CSMD2: variants seen among roughly 807,000 people sequenced by gnomAD.
CSMD2 encodes the protein CUB and sushi domain-containing protein 2.
Under a neutral mutation model 398.5 loss-of-function variants are expected in CSMD2, and 130 were observed. The ratio of observed to expected loss-of-function variants is 0.33; its 90% CI spans 0.28 to 0.38. CSMD2 has a LOEUF of 0.38. Ranked by LOEUF, CSMD2 falls within the 10% of genes least tolerant of loss-of-function variation. The pLI is 1.00. For missense variants in CSMD2, 3,829 were observed against 4,764.9 expected, an observed-to-expected ratio of 0.80 and a Z score of 5.78; for synonymous variants, 1,828 against 1,908.5, an observed-to-expected ratio of 0.96 and a Z score of 1.10.
chr1:34,081,653 C>T (rs1443702036), intron 2 of CSMD2, among the ~76,000 whole-genome samples: 1 of 152,166 alleles, frequency 6.6e-6, no homozygotes. Context: ...CTCCTGACCT[C>T]GAGTGATCTG....
At chr1:33,728,637 T>G (rs1646621683) in intron 15 of CSMD2, among the ~76,000 whole-genome samples, 1 of 152,214 alleles carries the variant, frequency 6.6e-6, no homozygotes, top group Non-Finnish European at 1.5e-5. Flanking sequence ...TCAAGACTTC[T>G]GTCTCTAAAT....
intron 58 of CSMD2, 97 bp from the exon 59 acceptor site, chr1:33,541,406 G>A: frequency 1.1e-6 from 1 of 883,052 alleles, no homozygotes; most frequent in Non-Finnish European, 1.8e-6. Context: ...TCCAAGAAGG[G>A]AAACTGTCAG....
intron 49 of CSMD2, among the ~76,000 whole-genome samples, chr1:33,576,451 C>T (rs1660082586): frequency 6.6e-6 from 1 of 152,096 alleles, no homozygotes; most frequent in South Asian, 2.1e-4. Context: ...ATTAGCCAGG[C>T]ATGGTGGCGG....
At chr1:34,064,380 A>G (rs961464838) in intron 2 of CSMD2, among the ~76,000 whole-genome samples, 1 of 152,096 alleles carries the variant, frequency 6.6e-6, no homozygotes, top group African/African-American at 2.4e-5. Flanking sequence ...CTGCTTGGAA[A>G]TTTCTTCTGC....
intron 3 of CSMD2, among the ~76,000 whole-genome samples, chr1:33,937,852 T>C (rs1378378798): frequency 6.6e-6 from 1 of 152,210 alleles, no homozygotes; most frequent in African/African-American, 2.4e-5. Context: ...GCCCAGAACA[T>C]AGTAGGTGCT....
chr1:33,523,930 A>G (rs1654541839), intron 66 of CSMD2, among the ~76,000 whole-genome samples: 1 of 152,218 alleles, frequency 6.6e-6, no homozygotes, highest in African/African-American at 2.4e-5. Flanking sequence ...TTATCTATCC[A>G]TCTATTCAAC....
At chr1:34,100,332 TTC>T (rs1209476731) in intron 1 of CSMD2, among the ~76,000 whole-genome samples, 6 of 152,188 alleles carry the variant, frequency 3.9e-5, no homozygotes, top group African/African-American at 1.4e-4. Flanking sequence ...CCTCACCTTC[TTC>T]TCTCTCATGC....
chr1:33,942,682 G>A (rs930203643), intron 3 of CSMD2, among the ~76,000 whole-genome samples: 16 of 152,204 alleles, frequency 1.1e-4, no homozygotes, highest in Non-Finnish European at 1.6e-4. Flanking sequence ...ACAGAGCCTC[G>A]GCTGCTCCAG....
At chr1:33,902,094 T>G (rs1401856675) in intron 5 of CSMD2, among the ~76,000 whole-genome samples, 3 of 152,228 alleles carry the variant, frequency 2.0e-5, no homozygotes, top group African/African-American at 7.2e-5. Flanking sequence ...CTCAGGAATC[T>G]GCATTCTTCC....
intron 9 of CSMD2, among the ~76,000 whole-genome samples, chr1:33,818,945 A>C (rs1164516940): frequency 6.6e-6 from 1 of 152,234 alleles, no homozygotes; most frequent in Non-Finnish European, 1.5e-5. Context: ...GTAACTTTGC[A>C]GTGGGCAACA....
In CSMD2 at chr1:33,559,544, C is replaced by A; in HGVS notation, c.8381-71G>T. On this transcript the variant is annotated intron_variant, in intron 53 of 70. Transcript: ENST00000373381. This position sits in a 1 kb window ranked among gnomAD's most constrained non-coding sequence, Gnocchi z 4.0. ...CCCCTCAGAATTTATCCACCTCTCA[C>A]CTGGCATCTCTTAGGCCATCAGTGA... 1 of 1,362,970 alleles carries A rather than the reference C, an allele frequency of 7.3e-7. No individual in the cohort carries two copies. The highest frequency in any genetic ancestry group is 1.3e-5 in the South Asian group (1 of 76,404). The allele number at this position is 1,362,970 out of a possible 1,614,324, so 84.4% of individuals were successfully genotyped here. A position where few individuals can be genotyped will look rare whatever the true frequency, so the allele number is the denominator to read the frequency against.
At chr1:33,852,484 A>G (rs1383198005) in intron 5 of CSMD2, among the ~76,000 whole-genome samples, 3 of 152,180 alleles carry the variant, frequency 2.0e-5, no homozygotes, top group Non-Finnish European at 4.4e-5. Flanking sequence ...TGCACATGCT[A>G]TTCCCTCTAC....
At chr1:33,557,979 G>A (rs188452799) in intron 54 of CSMD2, 57 bp from the exon 55 acceptor site, 178 of 1,464,910 alleles carry the variant, frequency 1.2e-4, no homozygotes, top group African/African-American at 1.0e-3. Flanking sequence ...AAAATCTTCC[G>A]AGCAAAACTA....
At chr1:33,932,134 C>G (rs1005159141) in intron 4 of CSMD2, among the ~76,000 whole-genome samples, 1 of 152,012 alleles carries the variant, frequency 6.6e-6, no homozygotes, top group African/African-American at 2.4e-5. Flanking sequence ...GGGAAGGCAA[C>G]AAAAAGAGCA....
At chr1:33,949,404 G>A (rs942445859) in intron 3 of CSMD2, among the ~76,000 whole-genome samples, 4 of 151,882 alleles carry the variant, frequency 2.6e-5, no homozygotes, top group Admixed American at 1.3e-4. Context: ...CCAGGCAGGC[G>A]GCATCCCTTA....
At chr1:33,703,497 T>A (rs1404482193) in intron 22 of CSMD2, among the ~76,000 whole-genome samples, 1 of 152,226 alleles carries the variant, frequency 6.6e-6, no homozygotes, top group Non-Finnish European at 1.5e-5. Context: ...TATGTGCAGG[T>A]GATTGAGAAA....
At chr1:33,894,165 G>A (rs1642226887) in intron 5 of CSMD2, among the ~76,000 whole-genome samples, 1 of 152,192 alleles carries the variant, frequency 6.6e-6, no homozygotes, top group Admixed American at 6.5e-5. Context: ...AGGGAAGGTG[G>A]TCCTTCCAAG....
At chr1:33,908,602 G>A (rs2125256556) in intron 5 of CSMD2, among the ~76,000 whole-genome samples, 1 of 152,380 alleles carries the variant, frequency 6.6e-6, no homozygotes, top group East Asian at 1.9e-4. Context: ...ACAAGCTTTA[G>A]CAGAGCCGCT....
chr1:33,533,751 G>T lies in CSMD2; in HGVS notation c.9991+45C>A. 7.7e-7 allele frequency: 1 copy of T among 1,302,208 alleles called. No homozygotes were observed. The highest frequency in any genetic ancestry group is 1.1e-6 in the Non-Finnish European group (1 of 897,164). 80.7% of individuals were successfully genotyped at this position (1,302,208 alleles called of 1,614,324 possible). A position where few individuals can be genotyped will look rare whatever the true frequency, so the allele number is the denominator to read the frequency against. On this transcript the variant is annotated intron_variant, in intron 63 of 70. Transcript: ENST00000373381. This position sits in a 1 kb window ranked among gnomAD's most constrained non-coding sequence, Gnocchi z 4.2. Reference sequence around the variant, plus strand: ...CAAACATGACCCAGATGCCCAGCTGGGGCAAGAGGAATTTTCTTGGGATGT... The same window carrying T: ...CAAACATGACCCAGATGCCCAGCTGTGGCAAGAGGAATTTTCTTGGGATGT...
Sources: allele counts gnomAD v4.1 joint callset (sites outside exome capture counted in the v4.1 genomes callset), GRCh38; gene constraint gnomAD v4.1.1; non-coding constraint Gnocchi (gnomAD v3.1); transcripts MANE v1.5; gene names NCBI Gene and HGNC (gene_info 2026-07-23, HGNC 2026-07-21).